Variants in PCDHGA4 observed in about 807,000 individuals in gnomAD.
PCDHGA4 encodes protocadherin gamma-A4.
PCDHGA4 carries 38 observed loss-of-function variants against 54.6 expected under a neutral mutation model. The observed-to-expected ratio is 0.70, with a 90% CI of 0.54 to 0.91. PCDHGA4 has a LOEUF of 0.91. Among genes scored for constraint, PCDHGA4 ranks in the 40% least tolerant of loss-of-function variants. The pLI, the probability that PCDHGA4 is intolerant of heterozygous loss-of-function variation, is 0.00. For synonymous variants in PCDHGA4, 511 were observed against 512.9 expected (o/e 1.00, Z 0.05); for missense variants, 1,298 against 1,220.9 (o/e 1.06, Z -0.94).
At chr5:141,392,625 C>T (rs939952294) in intron 1 of PCDHGA4, 4 of 567,662 alleles carry the variant, frequency 7.0e-6, no homozygotes, top group Non-Finnish European at 8.9e-6. Context: ...CGAAAACACT[C>T]AGATCTCACA....
chr5:141,459,253 ATTAGTGTTGCCTCT>A (rs1439680561), intron 1 of PCDHGA4, among the ~76,000 whole-genome samples: 1 of 152,174 alleles, frequency 6.6e-6, no homozygotes, highest in African/African-American at 2.4e-5. Context: ...GTCACTATAA[ATTAGTGTTGCCTCT>A]TTCAGAATTT....
chr5:141,477,532 C>A lies in PCDHGA4; in HGVS notation c.2515-17275C>A. 6.2e-7 allele frequency: 1 copy of A among 1,614,146 alleles called. No individual in the cohort carries two copies. The highest frequency in any genetic ancestry group is 8.5e-7 in the Non-Finnish European group (1 of 1,180,028). ...TTTACATTGAAGAAAACAACCTCCC[C>A]GGGGCTCCAATACTAAACCTAAGTG... On this transcript the variant is annotated intron_variant, in intron 1 of 3. Coordinates refer to ENST00000571252, the MANE Select transcript of PCDHGA4 (RefSeq NM_018917.4). The surrounding 1 kb of genome is among the most constrained non-coding windows in gnomAD (Gnocchi z 4.9).
chr5:141,399,950 G>A lies in PCDHGA4; in HGVS notation c.2514+42329G>A, dbSNP rs566695854. On this transcript the variant is annotated intron_variant, in intron 1 of 3. Coordinates refer to ENST00000571252, the MANE Select transcript of PCDHGA4 (RefSeq NM_018917.4). ...CTGTCCTACCACGTGCTGCAGGCTA[G>A]CGAGCCCGGGCTCTTCAGCCTGGGG... The A allele has an allele frequency of 4.3e-6, 7 of 1,612,178 alleles. No individual in the cohort carries two copies. The African/African-American group carries it at 6.7e-5, about 15-fold the overall frequency.
chr5:141,508,334 C>T (rs1323577321), intron 3 of PCDHGA4: 2 of 151,150 alleles, frequency 1.3e-5, no homozygotes, highest in African/African-American at 4.9e-5. Flanking sequence ...GGAGAACTGA[C>T]TCTACAGAAA....
At chr5:141,415,401 G>T in intron 1 of PCDHGA4, 2 of 1,614,206 alleles carry the variant, frequency 1.2e-6, no homozygotes, top group Non-Finnish European at 1.7e-6. Context: ...TGTCCGGCTC[G>T]CACTTTGTGG....
intron 1 of PCDHGA4, among the ~76,000 whole-genome samples, chr5:141,442,910 C>G (rs1419319938): frequency 6.6e-6 from 1 of 152,196 alleles, no homozygotes; most frequent in African/African-American, 2.4e-5. Flanking sequence ...TCCTTCAGCA[C>G]ACAACTGTTT....
chr5:141,384,792 C>T lies in PCDHGA4; in HGVS notation c.2514+27171C>T, dbSNP rs374905153. ...CGGGCGAGGTGCGCACGGCTCGGGC[C>T]CTGCTGGACAGAGATGCCCTCAAGC... On this transcript the variant is annotated intron_variant, in intron 1 of 3. Transcript: ENST00000571252. The T allele has an allele frequency of 5.0e-6, 8 of 1,613,404 alleles. No homozygotes were observed. The African/African-American group carries it at 6.7e-5, about 13-fold the overall frequency.
Position 141,357,236 on chromosome 5 carries a change from A to G in PCDHGA4, c.2129A>G (p.Lys710Arg), listed in dbSNP as rs756707851. The part of the protein sequence containing the change: ...PDVLADLGSL[K>R]PSADPDDSGL... ...GTCCTGGCTGACTTGGGCAGCCTCA[A>G]GCCTTCAGCAGACCCAGACGACTCG... The change falls in exon 1 of 4, where the codon AAG (lysine) becomes AGG (arginine). Residue 710 changes from lysine to arginine, a missense_variant. Physicochemically the swap from Lys to Arg is conservative, Grantham distance 26. Transcript: ENST00000571252. 2 of 1,613,634 alleles carry G rather than the reference A, an allele frequency of 1.2e-6. No individual in the cohort carries two copies. Among genetic ancestry groups the G allele is most frequent in the East Asian group, 4.5e-5 (2 of 44,886 alleles).
chr5:141,375,645 A>G (rs1052759532), intron 1 of PCDHGA4: 1 of 1,614,002 alleles, frequency 6.2e-7, no homozygotes, highest in African/African-American at 1.3e-5. Flanking sequence ...CGCTCCTTCG[A>G]CTATGAGCAG....
chr5:141,361,613 C>A (rs1161415348), intron 1 of PCDHGA4: 3 of 1,613,842 alleles, frequency 1.9e-6, no homozygotes, highest in Non-Finnish European at 2.5e-6. Context: ...TCCATCGTAG[C>A]GAGCGACCTG....
At chr5:141,399,562 T>TTGAACGGCCAAGTCTCCTACTCTATCA in intron 1 of PCDHGA4, 1 of 1,614,016 alleles carries the variant, frequency 6.2e-7, no homozygotes, top group Non-Finnish European at 8.5e-7. Context: ...GGACTTGGGG[T>TTGAACGGCCAAGTCTCCTACTCTATCA]TGAACGGCCA....
chr5:141,370,327 A>T, intron 1 of PCDHGA4: 5 of 1,399,556 alleles, frequency 3.6e-6, no homozygotes, highest in Non-Finnish European at 4.8e-6. Context: ...TCCTGCTCGG[A>T]GAACTCTTGG....
chr5:141,441,343 C>T (rs2098240806), intron 1 of PCDHGA4: 1 of 152,368 alleles, frequency 6.6e-6, no homozygotes, highest in African/African-American at 2.4e-5. Flanking sequence ...TAATTAACTA[C>T]ATGCTTGTAA....
Position 141,371,593 on chromosome 5 carries a change from A to C in PCDHGA4, c.2514+13972A>C, listed in dbSNP as rs758082937. The C allele has an allele frequency of 1.2e-6, 2 of 1,613,972 alleles. No individual in the cohort carries two copies. The highest frequency in any genetic ancestry group is 1.7e-6 in the Non-Finnish European group (2 of 1,179,876). The stretch of plus-strand genomic sequence containing the variant: ...TTTAAAATCGTTCAAGATACCAAAA[A>C]CACATACAGGTTGGTGACAGATGGA... On this transcript the variant is annotated intron_variant, in intron 1 of 3. Coordinates refer to ENST00000571252, the MANE Select transcript of PCDHGA4 (RefSeq NM_018917.4).
intron 1 of PCDHGA4, chr5:141,478,239 C>T: frequency 1.2e-6 from 2 of 1,614,132 alleles, no homozygotes; most frequent in Non-Finnish European, 1.7e-6. Context: ...TTTGTGGTCA[C>T]AGTGTTCGGA....
At chr5:141,371,960 C>T (rs771450244) in intron 1 of PCDHGA4, 16 of 1,613,142 alleles carry the variant, frequency 9.9e-6, no homozygotes, top group Admixed American at 1.7e-5. Flanking sequence ...CCTTCGACCA[C>T]GAGCAGCTGC....
At chr5:141,365,344 G>C (rs1449148775) in intron 1 of PCDHGA4, 1 of 1,613,966 alleles carries the variant, frequency 6.2e-7, no homozygotes, top group Non-Finnish European at 8.5e-7. Context: ...TCACAGTACA[G>C]GACGTGAATG....
intron 1 of PCDHGA4, among the ~76,000 whole-genome samples, chr5:141,435,357 T>C (rs749223776): frequency 6.6e-6 from 1 of 152,208 alleles, no homozygotes; most frequent in Non-Finnish European, 1.5e-5. Flanking sequence ...CATTTAAAAT[T>C]TTATCACTTA....
chr5:141,413,391 C>T lies in PCDHGA4; in HGVS notation c.2514+55770C>T, dbSNP rs375582894. ...CGGAGCGCGGAGTCCGCATAGTCTC[C>T]AGAGGTAGGACGCAGCTTTTCTCTC... On this transcript the variant is annotated intron_variant, in intron 1 of 3. Transcript: ENST00000571252. The T allele has an allele frequency of 1.2e-5, 19 of 1,613,902 alleles. No homozygotes were observed. In the African/African-American group the frequency reaches 2.4e-4, roughly 20 times the overall value.
Sources: allele counts gnomAD v4.1 joint callset (sites outside exome capture counted in the v4.1 genomes callset), GRCh38; gene constraint gnomAD v4.1.1; non-coding constraint Gnocchi (gnomAD v3.1); transcripts MANE v1.5; gene names NCBI Gene and HGNC (gene_info 2026-07-23, HGNC 2026-07-21).